SYNE2: variants seen among roughly 807,000 people sequenced by gnomAD.
SYNE2 encodes the protein nesprin-2.
SYNE2 carries 431 observed loss-of-function variants against 856.3 expected under a neutral mutation model. The observed-to-expected ratio is 0.50, with a 90% CI of 0.47 to 0.55. The LOEUF is 0.55. SYNE2 is among the 20% of genes least tolerant of loss of function. The pLI, the probability that SYNE2 is intolerant of heterozygous loss-of-function variation, is 0.00. For missense variants in SYNE2, 8,129 were observed against 8,023.2 expected, an observed-to-expected ratio of 1.01 and a Z score of -0.50; for synonymous variants, 2,923 against 2,872.3, an observed-to-expected ratio of 1.02 and a Z score of -0.56.
chr14:64,138,438 T>C lies in SYNE2; in HGVS notation c.14843+455T>C, dbSNP rs796889992. 3.3e-5 allele frequency among the ~76,000 whole-genome samples: 5 copies of C among 152,046 alleles called. No individual in the cohort carries two copies. The South Asian group carries it at 1.0e-3, about 32-fold the overall frequency. On this transcript the variant is annotated intron_variant, in intron 79 of 115. Coordinates refer to ENST00000555002, the MANE Select transcript of SYNE2 (RefSeq NM_182914.3). ...TTGTAGAGATGGGGTCTCACATTGT[T>C]GCCCAGGGTGGTCTCAAGCTCCTAG... is the stretch of plus-strand genomic sequence containing the variant.
At position 64,214,242 on chromosome 14, in the gene SYNE2, G is replaced by A. The variant is rs762089082; in HGVS notation, c.19105G>A (p.Asp6369Asn). The change falls in exon 106 of 116, where the codon GAC becomes AAC. Residue 6369 changes from aspartate (D) to asparagine (N), a missense_variant. Physicochemically the swap from Asp to Asn is conservative, Grantham distance 23. This residue lies in a region of SYNE2 where 5,410 missense variants were observed against 5,284.8 expected (regional missense o/e 1.02). Coordinates refer to ENST00000555002, the MANE Select transcript of SYNE2 (RefSeq NM_182914.3). ...EASENETDMEDPREIQTDSWR... is the reference protein window; with the variant it reads ...EASENETDMENPREIQTDSWR... ...CTCTGAGAATGAAACAGACATGGAA[G>A]ACCCCAGAGAAATCCAGACTGATTC... 1.2e-6 allele frequency: 2 copies of A among 1,614,168 alleles called. No homozygotes were observed. Among genetic ancestry groups the A allele is most frequent in the South Asian group, 2.2e-5 (2 of 91,064 alleles).
intron 61 of SYNE2, 74 bp from the exon 62 acceptor site, chr14:64,097,875 A>G (rs1188597015): frequency 6.7e-7 from 1 of 1,487,154 alleles, no homozygotes; most frequent in African/African-American, 1.4e-5. Context: ...CCCTTGTACC[A>G]AAGGAAGCAG....
intron 1 of SYNE2, among the ~76,000 whole-genome samples, chr14:63,906,247 A>G (rs1271723125): frequency 6.6e-6 from 1 of 152,028 alleles, no homozygotes; most frequent in Non-Finnish European, 1.5e-5. Context: ...TTCATCAGGG[A>G]TATTGGCCTG....
At chr14:63,873,752 C>G (rs903230034) in intron 1 of SYNE2, 10 of 152,204 alleles carry the variant, frequency 6.6e-5, no homozygotes, top group Non-Finnish European at 2.9e-5. Flanking sequence ...CTACATAAAG[C>G]AGGACAATGG....
intron 53 of SYNE2, 32 bp from the exon 54 acceptor site, chr14:64,075,913 C>G: frequency 1.2e-6 from 2 of 1,612,006 alleles, no homozygotes; most frequent in Non-Finnish European, 1.7e-6. Context: ...CCCCCAGTCT[C>G]GTGAGTATTG....
intron 1 of SYNE2, among the ~76,000 whole-genome samples, chr14:63,896,540 G>T (rs2095255804): frequency 6.6e-6 from 1 of 152,146 alleles, no homozygotes; most frequent in South Asian, 2.1e-4. Context: ...GGAGAACTTT[G>T]GGTTAGATTC....
chr14:64,127,713 T>C (rs1358134815), intron 73 of SYNE2, among the ~76,000 whole-genome samples: 2 of 152,124 alleles, frequency 1.3e-5, no homozygotes, highest in African/African-American at 4.8e-5. Context: ...AATTATCTAA[T>C]GAAAAAGAAA....
At chr14:63,967,308 C>T (rs530657244) in intron 10 of SYNE2, among the ~76,000 whole-genome samples, 1 of 152,342 alleles carries the variant, frequency 6.6e-6, no homozygotes, top group Non-Finnish European at 1.5e-5. Flanking sequence ...TTCATGAACA[C>T]TTTGAAAATC....
chr14:64,026,784 T>C, intron 42 of SYNE2, 54 bp downstream of exon 42: 1 of 1,560,358 alleles, frequency 6.4e-7, no homozygotes, highest in Non-Finnish European at 8.7e-7. Flanking sequence ...AGTGAAGCCA[T>C]AACAAGTATG....
chr14:63,864,966 T>C (rs1894827853), intron 1 of SYNE2, among the ~76,000 whole-genome samples: 1 of 151,658 alleles, frequency 6.6e-6, no homozygotes, highest in African/African-American at 2.4e-5. Context: ...AAAGCTTGGG[T>C]TCTGAAATCA....
At position 64,214,888 on chromosome 14, in the gene SYNE2, C is replaced by T. The variant is rs1226780131; in HGVS notation, c.19334-398C>T. Among the ~76,000 whole-genome samples the T allele has an allele frequency of 3.9e-5, 6 of 152,096 alleles. No individual in the cohort carries two copies. In the East Asian group the frequency reaches 5.8e-4, roughly 15 times the overall value. On this transcript the variant is annotated intron_variant, in intron 106 of 115. Transcript: ENST00000555002. ...CTGAGTAGCTGGGACTATAGGTACACGCCACCACACCCAGCTAGTTTTTAA... is the reference window on the plus strand; with the variant it reads ...CTGAGTAGCTGGGACTATAGGTACATGCCACCACACCCAGCTAGTTTTTAA...
intron 31 of SYNE2, among the ~76,000 whole-genome samples, chr14:64,007,933 C>G (rs1483068707): frequency 6.6e-6 from 1 of 152,128 alleles, no homozygotes; most frequent in Non-Finnish European, 1.5e-5. Context: ...TCACTTGAGC[C>G]TGGGAGGTTG....
intron 1 of SYNE2, among the ~76,000 whole-genome samples, chr14:63,846,044 T>C (rs11302164): frequency 1.5e-4 from 7 of 47,596 alleles, no homozygotes; most frequent in East Asian, 4.5e-4. Flanking sequence ...GTACCTGCCC[T>C]TTTTTTTTTT....
intron 45 of SYNE2, among the ~76,000 whole-genome samples, chr14:64,039,211 G>A (rs575212933): frequency 3.9e-5 from 6 of 152,216 alleles, no homozygotes; most frequent in Non-Finnish European, 8.8e-5. Context: ...GAGCTGGTAT[G>A]ACACTCTGCC....
rs553784219 is a variant in SYNE2 at position 64,220,388 on chromosome 14, T to C, written c.19861-49T>C. On this transcript the variant is annotated intron_variant, in intron 110 of 115. Coordinates refer to ENST00000555002, the MANE Select transcript of SYNE2 (RefSeq NM_182914.3). ...CCTACTGAGGTTCAAAATGAGCCCC[T>C]CCTCCCTACTTTCAGAGCTCCTAAC... 44 of 1,605,496 alleles carry C rather than the reference T, an allele frequency of 2.7e-5. No individual in the cohort carries two copies. The Admixed American group carries it at 7.3e-4, about 27-fold the overall frequency.
At chr14:64,027,396 T>C in intron 42 of SYNE2, 88 bp from the exon 43 acceptor site, 2 of 803,094 alleles carry the variant, frequency 2.5e-6, no homozygotes, top group Non-Finnish European at 2.0e-6. Flanking sequence ...ATTTTAATGT[T>C]TATTAGGATG....
At chr14:63,862,232 C>T (rs1028414459) in intron 1 of SYNE2, among the ~76,000 whole-genome samples, 1 of 152,164 alleles carries the variant, frequency 6.6e-6, no homozygotes, top group African/African-American at 2.4e-5. Context: ...AACAAAACAA[C>T]AGTTGGACAC....
At chr14:64,094,545 G>A (rs1228911436) in intron 61 of SYNE2, among the ~76,000 whole-genome samples, 1 of 152,028 alleles carries the variant, frequency 6.6e-6, no homozygotes, top group African/African-American at 2.4e-5. Context: ...ATTGATACAG[G>A]CAAGCAATTA....
intron 1 of SYNE2, among the ~76,000 whole-genome samples, chr14:63,763,335 C>T (rs1886558909): frequency 6.6e-6 from 1 of 152,088 alleles, no homozygotes; most frequent in Admixed American, 6.6e-5. Context: ...AAGTAATGCC[C>T]ATGGTTTTTA....
Sources: gnomAD v4.1 joint callset for allele counts (sites outside exome capture counted in the v4.1 genomes callset) on GRCh38, gnomAD v4.1.1 for gene constraint, gnomAD v4.1.1 regional missense constraint, MANE v1.5 for transcripts, NCBI Gene and HGNC (gene_info 2026-07-23, HGNC 2026-07-21) for gene names.